FGD6: variants seen among roughly 807,000 people sequenced by gnomAD.
FGD6 encodes the protein FYVE, RhoGEF and PH domain containing 6, also known as FYVE, RhoGEF and PH domain-containing protein 6.
FGD6 carries 90 observed loss-of-function variants against 149.4 expected under a neutral mutation model. The ratio of observed to expected loss-of-function variants is 0.60; its 90% CI spans 0.51 to 0.72. FGD6 has a LOEUF of 0.72. FGD6 is among the 30% of genes least tolerant of loss of function. The probability of loss-of-function intolerance (pLI) is 0.00; values close to 1 mark genes in which losing one functional copy is unlikely to be tolerated. For synonymous variants in FGD6, 527 were observed against 584.0 expected, an observed-to-expected ratio of 0.90 and a Z score of 1.41; for missense variants, 1,437 against 1,684.8, an observed-to-expected ratio of 0.85 and a Z score of 2.57.
intron 8 of FGD6, among the ~76,000 whole-genome samples, chr12:95,115,918 G>A (rs1365827423): frequency 2.0e-5 from 3 of 152,164 alleles, no homozygotes; most frequent in Non-Finnish European, 4.4e-5. Flanking sequence ...AATAAGCCAT[G>A]GTGAGATGTT....
At chr12:95,130,531 C>T (rs1211070518) in intron 8 of FGD6, among the ~76,000 whole-genome samples, 2 of 152,142 alleles carry the variant, frequency 1.3e-5, no homozygotes, top group Non-Finnish European at 2.9e-5. Flanking sequence ...GCTTTATTAT[C>T]CAAAGTAATT....
chr12:95,097,917 G>A (rs1878293581), intron 14 of FGD6, among the ~76,000 whole-genome samples: 2 of 152,166 alleles, frequency 1.3e-5, no homozygotes, highest in Non-Finnish European at 2.9e-5. Flanking sequence ...ATTACCTTAT[G>A]TAAGTAGCAG....
At chr12:95,163,898 T>A (rs953013822) in intron 3 of FGD6, among the ~76,000 whole-genome samples, 2 of 152,058 alleles carry the variant, frequency 1.3e-5, no homozygotes, top group South Asian at 2.1e-4. Context: ...TAAAAAAAAA[T>A]TAAAAGCTCT....
At chr12:95,153,952 A>T (rs35383223) in intron 3 of FGD6, among the ~76,000 whole-genome samples, 10,998 of 118,864 alleles carry the variant, frequency 0.093, 505 homozygotes, top group East Asian at 0.25. Flanking sequence ...TGTGTGAGTG[A>T]GAGAGAGAAG....
At chr12:95,167,699 T>G (rs780306976) in intron 3 of FGD6, among the ~76,000 whole-genome samples, 4 of 151,360 alleles carry the variant, frequency 2.6e-5, no homozygotes, top group Non-Finnish European at 5.9e-5. Flanking sequence ...CTCAGCCTCC[T>G]GAGTAGCTAG....
rs1299288106 is a variant in FGD6 at position 95,217,284 on chromosome 12, A to C, written c.-44T>G. 16 of 1,589,770 alleles carry C rather than the reference A, an allele frequency of 1.0e-5. No individual in the cohort carries two copies. The highest frequency in any genetic ancestry group is 1.4e-5 in the Non-Finnish European group (16 of 1,163,706). On this transcript the variant is annotated 5_prime_UTR_variant, in exon 1 of 21. The change abolishes an upstream ATG in the 5' untranslated region. Transcript: ENST00000343958. ...GCTTCCCCGCTCGGCCCCTCAATCC[A>C]TCTTCCCCTTTCAGTCCATTGTTCC... is the stretch of plus-strand genomic sequence containing the variant.
intron 6 of FGD6, 60 bp from the exon 7 acceptor site, chr12:95,137,738 T>C: frequency 1.6e-6 from 2 of 1,234,830 alleles, no homozygotes; most frequent in Non-Finnish European, 2.2e-6. Flanking sequence ...ACATATGCAA[T>C]GATACGCAGA....
chr12:95,108,385 CT>C lies in FGD6; in HGVS notation c.3226del (p.Ser1076AlafsTer2). The C allele has an allele frequency of 6.2e-7, 1 of 1,614,130 alleles. No individual in the cohort carries two copies. The highest frequency in any genetic ancestry group is 8.5e-7 in the Non-Finnish European group (1 of 1,180,014). ...CACAATTTCATGGTGTCCATTTAAG[CT>C]GTACTGAATTTGCATAAGTTTCTGA... ...NFQKLMQIQY[S>X]LNGHHEIVQP... On this transcript the variant is annotated frameshift_variant, in exon 11 of 21. Transcript: ENST00000343958. LOFTEE classifies it high-confidence loss of function.
chr12:95,144,816 G>A (rs1447807956), intron 5 of FGD6, among the ~76,000 whole-genome samples: 1 of 151,232 alleles, frequency 6.6e-6, no homozygotes, highest in African/African-American at 2.4e-5. Flanking sequence ...AGCCTCCCAA[G>A]TAGCTGGGAT....
At chr12:95,091,514 G>C (rs570733370) in intron 17 of FGD6, among the ~76,000 whole-genome samples, 193 bp downstream of exon 17, 2 of 152,242 alleles carry the variant, frequency 1.3e-5, no homozygotes, top group Admixed American at 1.3e-4. Context: ...CTTTTACACA[G>C]ACTGAAACCA....
chr12:95,186,225 CTTCTTTTTTTT>C lies in FGD6; in HGVS notation c.2442-13492_2442-13482del, dbSNP rs1881429183. Among the ~76,000 whole-genome samples, 48 of 71,188 alleles carry C rather than the reference CTTCTTTTTTTT, an allele frequency of 6.7e-4. 14 individuals are homozygous for C. Among genetic ancestry groups the C allele is most frequent in the African/African-American group, 1.6e-3 (29 of 18,656 alleles). 46.7% of individuals were successfully genotyped at this position (71,188 alleles called of 152,430 possible). ...AGCTAAGAATGCTTCTTATATTCTT[CTTCTTTTTTTT>C]TTTTTTTTTTTTTTTTTTTTTTTTT... On this transcript the variant is annotated intron_variant, in intron 2 of 20. Coordinates refer to ENST00000343958, the MANE Select transcript of FGD6 (RefSeq NM_018351.4).
chr12:95,217,138 A>C (rs1592890986), intron 1 of FGD6, 87 bp downstream of exon 1: 1 of 1,582,892 alleles, frequency 6.3e-7, no homozygotes. Context: ...CAACTCGCCC[A>C]CCCCGGCGAA....
At chr12:95,114,085 T>C (rs185392925) in intron 8 of FGD6, among the ~76,000 whole-genome samples, 7 of 152,330 alleles carry the variant, frequency 4.6e-5, no homozygotes, top group East Asian at 1.9e-4. Flanking sequence ...ACACGTCTAG[T>C]ATAAAATTCT....
chr12:95,125,284 C>T (rs562896122), intron 8 of FGD6, among the ~76,000 whole-genome samples: 14 of 152,234 alleles, frequency 9.2e-5, no homozygotes, highest in African/African-American at 3.4e-4. Context: ...GGCCGAGAAG[C>T]GATGATGAAA....
chr12:95,173,115 T>C (rs950020292), intron 2 of FGD6, among the ~76,000 whole-genome samples: 9 of 152,142 alleles, frequency 5.9e-5, no homozygotes, highest in Non-Finnish European at 8.8e-5. Flanking sequence ...ACCAGAAGAA[T>C]TGCTGTTTCC....
At chr12:95,102,455 A>AAAAC (rs1878477608) in intron 14 of FGD6, among the ~76,000 whole-genome samples, 1 of 150,520 alleles carries the variant, frequency 6.6e-6, no homozygotes, top group African/African-American at 2.5e-5. Context: ...AAAAAAAAAA[A>AAAAC]AAAAAAAAAA....
At chr12:95,124,455 G>T (rs969709167) in intron 8 of FGD6, among the ~76,000 whole-genome samples, 1 of 152,150 alleles carries the variant, frequency 6.6e-6, no homozygotes, top group African/African-American at 2.4e-5. Context: ...GTTCAAATTT[G>T]ATTAAAGTTC....
chr12:95,078,757 T>A lies in FGD6; in HGVS notation c.*2763A>T, dbSNP rs544904615. On this transcript the variant is annotated 3_prime_UTR_variant, in exon 21 of 21. Coordinates refer to ENST00000343958, the MANE Select transcript of FGD6 (RefSeq NM_018351.4). The stretch of plus-strand genomic sequence containing the variant: ...CCTGTACATTTATAGCTGCCACAGA[T>A]AAAGGTGGACTGCTAGTTGGGGACA... The A allele has an allele frequency of 6.6e-6, 1 of 152,366 alleles. No individual in the cohort carries two copies. Among genetic ancestry groups the A allele is most frequent in the Middle Eastern group, 3.4e-3 (1 of 294 alleles). 9.4% of individuals were successfully genotyped at this position (152,366 alleles called of 1,614,324 possible).
At chr12:95,213,986 G>C (rs768451245) in intron 1 of FGD6, among the ~76,000 whole-genome samples, 18 of 152,300 alleles carry the variant, frequency 1.2e-4, no homozygotes, top group Middle Eastern at 3.4e-3. Context: ...TATAAATGGG[G>C]GAGTTGAACA....
Sources: gnomAD v4.1 joint callset for allele counts (sites outside exome capture counted in the v4.1 genomes callset) on GRCh38, gnomAD v4.1.1 for gene constraint, MANE v1.5 for transcripts, NCBI Gene and HGNC (gene_info 2026-07-23, HGNC 2026-07-21) for gene names.